The following DPP6 variants were observed in gnomAD, a reference collection of about 807,000 sequenced individuals.
The protein encoded by DPP6 is dipeptidyl peptidase like 6, also known as A-type potassium channel modulatory protein DPP6.
DPP6 carries 69 observed loss-of-function variants against 122.6 expected under a neutral mutation model. The observed-to-expected ratio is 0.56, with a 90% CI of 0.46 to 0.69. The LOEUF is 0.69. DPP6 is among the 30% of genes least tolerant of loss of function. The pLI is 0.00. For missense variants in DPP6, 928 were observed against 1,116.9 expected, an observed-to-expected ratio of 0.83 and a Z score of 2.41; for synonymous variants, 418 against 433.1, an observed-to-expected ratio of 0.97 and a Z score of 0.43.
chr7:154,147,493 T>TTCCTTCCTTCCTTCCTTC (rs1563247597), intron 1 of DPP6, among the ~76,000 whole-genome samples: 11 of 142,616 alleles, frequency 7.7e-5, no homozygotes, highest in African/African-American at 2.5e-4. Flanking sequence ...TTCCTTCCTT[T>TTCCTTCCTTCCTTCCTTC]CTTTTTCTGT....
intron 1 of DPP6, among the ~76,000 whole-genome samples, chr7:154,184,567 C>G (rs1389440996): frequency 6.6e-6 from 1 of 151,860 alleles, no homozygotes; most frequent in Non-Finnish European, 1.5e-5. Context: ...GACCTCCGAC[C>G]GGCAGGTATG....
At chr7:154,178,282 A>G (rs1797905051) in intron 1 of DPP6, among the ~76,000 whole-genome samples, 1 of 152,196 alleles carries the variant, frequency 6.6e-6, no homozygotes, top group Non-Finnish European at 1.5e-5. Flanking sequence ...CAGGAAGCAA[A>G]GAAGTCACTG....
chr7:154,147,441 A>C, intron 1 of DPP6, among the ~76,000 whole-genome samples: 1 of 141,464 alleles, frequency 7.1e-6, no homozygotes, highest in Non-Finnish European at 1.5e-5. Flanking sequence ...CTTTCACTTT[A>C]TTCATTTCCT....
At chr7:153,909,704 A>G (rs1799998212) in intron 1 of DPP6, among the ~76,000 whole-genome samples, 1 of 152,070 alleles carries the variant, frequency 6.6e-6, no homozygotes, top group African/African-American at 2.4e-5. Flanking sequence ...ACACCCCAAA[A>G]TACACCGCTT....
chr7:154,404,854 C>T (rs1325969216), intron 1 of DPP6, among the ~76,000 whole-genome samples: 1 of 152,050 alleles, frequency 6.6e-6, no homozygotes, highest in Non-Finnish European at 1.5e-5. Flanking sequence ...TTCTAAGTAA[C>T]ATTATGTACA....
the DPP6 span, among the ~76,000 whole-genome samples, chr7:153,749,657 A>C: frequency 6.6e-6 from 1 of 152,070 alleles, no homozygotes; most frequent in Non-Finnish European, 1.5e-5. This position sits in a 1 kb window ranked among gnomAD's most constrained non-coding sequence, Gnocchi z 4.1. Context: ...AAAAACCCAG[A>C]TCGCCAGCGA....
At chr7:153,992,034 T>C (rs1388430628) in intron 1 of DPP6, among the ~76,000 whole-genome samples, 1 of 152,180 alleles carries the variant, frequency 6.6e-6, no homozygotes, top group Non-Finnish European at 1.5e-5. Flanking sequence ...AGAACGAACC[T>C]TCTCCTGCAA....
intron 1 of DPP6, among the ~76,000 whole-genome samples, chr7:154,267,642 A>G (rs1403665063): frequency 6.6e-6 from 1 of 150,970 alleles, no homozygotes; most frequent in African/African-American, 2.4e-5. Flanking sequence ...ATACATGCAC[A>G]CATATATGCA....
Position 154,270,529 on chromosome 7 carries a change from A to G in DPP6, c.244-175685A>G, listed in dbSNP as rs192727616. On this transcript the variant is annotated intron_variant, in intron 1 of 25. Coordinates refer to ENST00000377770, the MANE Select transcript of DPP6 (RefSeq NM_130797.4). The stretch of plus-strand genomic sequence containing the variant: ...TACCAGAATGTGAAGTGATGTGTCC[A>G]GGTGCCATGTCCCCCAGAGGATGCT... Among the ~76,000 whole-genome samples, 8 of 152,314 alleles carry G rather than the reference A, an allele frequency of 5.3e-5. No individual in the cohort carries two copies. In the East Asian group the frequency reaches 1.5e-3, roughly 29 times the overall value.
intron 1 of DPP6, among the ~76,000 whole-genome samples, chr7:154,153,672 C>T (rs1229942008): frequency 6.6e-6 from 1 of 152,236 alleles, no homozygotes; most frequent in African/African-American, 2.4e-5. Context: ...CAAAATTCTA[C>T]ATCAAGGGTC....
chr7:154,175,746 G>C (rs1353974185), intron 1 of DPP6, among the ~76,000 whole-genome samples: 3 of 149,298 alleles, frequency 2.0e-5, no homozygotes, highest in African/African-American at 7.4e-5. Context: ...TTGAGGCGGA[G>C]TCTCGGTCTG....
intron 1 of DPP6, among the ~76,000 whole-genome samples, chr7:153,988,961 G>A (rs1270497750): frequency 1.3e-5 from 2 of 150,532 alleles, no homozygotes; most frequent in Admixed American, 6.7e-5. Context: ...TCATTACACG[G>A]GGATTTCTCC....
chr7:154,252,213 CGT>C (rs141850746), intron 1 of DPP6, among the ~76,000 whole-genome samples: 6,323 of 150,382 alleles, frequency 0.042, 297 homozygotes, highest in African/African-American at 0.12. Flanking sequence ...CACAATGTCA[CGT>C]GTGTGTGTGT....
At chr7:154,195,641 C>A (rs1420343881) in intron 1 of DPP6, among the ~76,000 whole-genome samples, 1 of 152,220 alleles carries the variant, frequency 6.6e-6, no homozygotes, top group African/African-American at 2.4e-5. Context: ...GACCACATGA[C>A]CTCCATCCAG....
rs139016165 is a variant in DPP6 at position 154,561,079 on chromosome 7, G to A, written c.553-5763G>A. On this transcript the variant is annotated intron_variant, in intron 4 of 25. Transcript: ENST00000377770. The stretch of plus-strand genomic sequence containing the variant: ...CTTAAGAATCCTAAAGATGTATGCA[G>A]CTAGCATTGAGCTACAATATTTGAA... Among the ~76,000 whole-genome samples the A allele has an allele frequency of 7.5e-3, 1,140 of 152,266 alleles. 12 individuals are homozygous for A. Among genetic ancestry groups the A allele is most frequent in the African/African-American group, 0.026 (1,086 of 41,542 alleles).
At chr7:153,918,460 ACACACACT>A (rs59904651) in intron 1 of DPP6, among the ~76,000 whole-genome samples, 13,425 of 87,276 alleles carry the variant, frequency 0.15, 632 homozygotes, top group East Asian at 0.36. Flanking sequence ...ACACACACAC[ACACACACT>A]CTCTCTCTCT....
chr7:154,886,236 G>A lies in DPP6; in HGVS notation c.2245+492G>A, dbSNP rs182030426. On this transcript the variant is annotated intron_variant, in intron 22 of 25. Transcript: ENST00000377770. ...CATAGAGCAATTCAACGAGGTCCAC[G>A]TGGCTCAGCTCTGCCTTCCCATCTC... is the stretch of plus-strand genomic sequence containing the variant. 4.4e-3 allele frequency among the ~76,000 whole-genome samples: 672 copies of A among 152,346 alleles called. 8 individuals are homozygous for A. Among genetic ancestry groups the A allele is most frequent in the African/African-American group, 0.015 (605 of 41,584 alleles).
chr7:154,587,548 G>A, intron 5 of DPP6: 2 of 1,322,626 alleles, frequency 1.5e-6, no homozygotes, highest in East Asian at 2.5e-5. Context: ...ATTGATTTTT[G>A]TTTCTCGATC....
At chr7:154,724,740 A>AG (rs2131355504) in intron 7 of DPP6, among the ~76,000 whole-genome samples, 1 of 151,920 alleles carries the variant, frequency 6.6e-6, no homozygotes, top group South Asian at 2.1e-4. Context: ...AGAGACAGGA[A>AG]GTAGAGTAGG....
Sources: gnomAD v4.1 joint callset for allele counts (sites outside exome capture counted in the v4.1 genomes callset) on GRCh38, gnomAD v4.1.1 for gene constraint, Gnocchi (gnomAD v3.1) non-coding constraint, MANE v1.5 for transcripts, NCBI Gene and HGNC (gene_info 2026-07-23, HGNC 2026-07-21) for gene names.